Variants in MAD1L1 observed in about 807,000 individuals in gnomAD.
The protein encoded by MAD1L1 is mitotic spindle assembly checkpoint protein MAD1.
A neutral mutation model predicts 96.9 loss-of-function variants in MAD1L1; 95 were observed. The observed-to-expected ratio is 0.98, with a 90% CI of 0.83 to 1.16. MAD1L1 has a LOEUF of 1.16. Among genes scored for constraint, MAD1L1 ranks in the 50% most tolerant of loss-of-function variants. The pLI is 0.00. For synonymous variants in MAD1L1, 473 were observed against 396.6 expected (o/e 1.19, Z -2.29); for missense variants, 1,007 against 954.4 (o/e 1.06, Z -0.73).
intron 11 of MAD1L1, among the ~76,000 whole-genome samples, chr7:2,101,098 C>T (rs993712099): frequency 2.6e-5 from 4 of 152,216 alleles, no homozygotes; most frequent in Admixed American, 6.5e-5. Context: ...TTCCTTCCCA[C>T]CCTCAGAAAC....
At chr7:2,000,774 C>T (rs184327681) in intron 14 of MAD1L1, among the ~76,000 whole-genome samples, 2 of 152,344 alleles carry the variant, frequency 1.3e-5, no homozygotes, top group African/African-American at 2.4e-5. Flanking sequence ...GAGTGAACAG[C>T]GACCATTCCA....
At chr7:2,115,652 T>C (rs1005256634) in intron 11 of MAD1L1, among the ~76,000 whole-genome samples, 2 of 152,218 alleles carry the variant, frequency 1.3e-5, no homozygotes, top group African/African-American at 4.8e-5. Flanking sequence ...CCACATGGCG[T>C]GTCAATGCCG....
At chr7:2,214,588 A>G (rs1403024800) in intron 9 of MAD1L1, among the ~76,000 whole-genome samples, 2 of 152,282 alleles carry the variant, frequency 1.3e-5, no homozygotes, top group African/African-American at 2.4e-5. Flanking sequence ...GAAAGGCGGC[A>G]TAGGTGTGCC....
Position 2,225,426 on chromosome 7 carries a change from C to G in MAD1L1, c.275G>C (p.Ser92Thr). 7 of 1,613,302 alleles carry G rather than the reference C, an allele frequency of 4.3e-6. No homozygotes were observed. The highest frequency in any genetic ancestry group is 5.9e-6 in the Non-Finnish European group (7 of 1,180,008). Reference sequence around the variant, plus strand: ...TGAACCCACCTCGTAGTTCCTGGCACTGGTGCTGGCTGCTCTCTCCAGCTC... The same window carrying G: ...TGAACCCACCTCGTAGTTCCTGGCAGTGGTGCTGGCTGCTCTCTCCAGCTC... ...RVELERAAST[S>T]ARNYEREVDR... Residue 92 changes from serine to threonine, a missense_variant, in exon 4 of 19, where the codon AGT (serine) becomes ACT (threonine). By Grantham distance (58) the Ser-to-Thr change is moderately conservative. Transcript: ENST00000265854.
At chr7:1,967,733 C>T (rs1020803436) in intron 15 of MAD1L1, among the ~76,000 whole-genome samples, 6 of 152,232 alleles carry the variant, frequency 3.9e-5, no homozygotes, top group African/African-American at 1.4e-4. Flanking sequence ...TCAGAAAACC[C>T]AATGACGGGG....
intron 10 of MAD1L1, among the ~76,000 whole-genome samples, chr7:2,210,936 C>T (rs553009968): frequency 5.3e-5 from 8 of 152,356 alleles, no homozygotes; most frequent in East Asian, 3.9e-4. Context: ...GATCTTCACA[C>T]GCAGTTGGGG....
At chr7:1,875,380 G>A (rs548307733) in intron 18 of MAD1L1, among the ~76,000 whole-genome samples, 8 of 152,182 alleles carry the variant, frequency 5.3e-5, no homozygotes, top group Non-Finnish European at 1.2e-4. Context: ...CGCCCTCCTC[G>A]ACCCCAGATG....
At chr7:1,987,573 G>A (rs537096312) in intron 14 of MAD1L1, among the ~76,000 whole-genome samples, 1 of 152,168 alleles carries the variant, frequency 6.6e-6, no homozygotes, top group African/African-American at 2.4e-5. Flanking sequence ...ATCGGGGAGG[G>A]GGGGAGAGGC....
chr7:1,921,411 C>T (rs978709682), intron 17 of MAD1L1, among the ~76,000 whole-genome samples: 10 of 151,942 alleles, frequency 6.6e-5, no homozygotes, highest in African/African-American at 2.4e-4. Context: ...CTCCATCCCC[C>T]AGGTTCAGGC....
chr7:1,911,117 G>A (rs1019174637), intron 17 of MAD1L1, among the ~76,000 whole-genome samples: 15 of 152,226 alleles, frequency 9.9e-5, no homozygotes, highest in African/African-American at 2.9e-4. Context: ...GCTCCTGGGC[G>A]GCCGCCTCTC....
At chr7:2,187,840 C>T (rs1320717755) in intron 10 of MAD1L1, among the ~76,000 whole-genome samples, 1 of 152,200 alleles carries the variant, frequency 6.6e-6, no homozygotes, top group African/African-American at 2.4e-5. Context: ...GCTTGAGCAT[C>T]TGGTAGACAT....
At chr7:2,006,026 G>T (rs560196706) in intron 13 of MAD1L1, among the ~76,000 whole-genome samples, 11 of 152,172 alleles carry the variant, frequency 7.2e-5, no homozygotes, top group East Asian at 1.9e-4. Context: ...GCATGGAGAT[G>T]GGGGAGCGGC....
intron 18 of MAD1L1, among the ~76,000 whole-genome samples, chr7:1,842,942 T>C (rs963186595): frequency 5.9e-5 from 9 of 151,974 alleles, no homozygotes; most frequent in African/African-American, 2.2e-4. Context: ...CTGGGGTGAG[T>C]CCGAGGCCGG....
chr7:1,870,700 T>C (rs1374379358), intron 18 of MAD1L1, among the ~76,000 whole-genome samples: 2 of 140,850 alleles, frequency 1.4e-5, no homozygotes, highest in African/African-American at 5.4e-5. Context: ...GAACCCAACA[T>C]ACACCTGCCA....
chr7:2,054,378 A>C (rs369620230), intron 12 of MAD1L1, among the ~76,000 whole-genome samples: 4 of 152,240 alleles, frequency 2.6e-5, no homozygotes, highest in African/African-American at 9.6e-5. Flanking sequence ...CATCATCTTC[A>C]CACTGGAGAC....
intron 11 of MAD1L1, among the ~76,000 whole-genome samples, chr7:2,072,255 G>C (rs1398838847): frequency 1.3e-5 from 2 of 152,192 alleles, no homozygotes; most frequent in Non-Finnish European, 1.5e-5. Flanking sequence ...CCAACTGCTT[G>C]CTTGGTGGGT....
intron 12 of MAD1L1, among the ~76,000 whole-genome samples, chr7:2,022,257 T>A (rs909014195): frequency 1.3e-5 from 2 of 152,240 alleles, no homozygotes; most frequent in Non-Finnish European, 2.9e-5. Context: ...GGGCGTGTTC[T>A]GCGGGAGGCG....
At chr7:2,047,869 G>A (rs1420974668) in intron 12 of MAD1L1, among the ~76,000 whole-genome samples, 5 of 152,084 alleles carry the variant, frequency 3.3e-5, no homozygotes, top group Admixed American at 6.5e-5. Flanking sequence ...GCACTCACGT[G>A]CACACAGCTC....
At chr7:1,989,779 G>A (rs1781324163) in intron 14 of MAD1L1, among the ~76,000 whole-genome samples, 1 of 152,198 alleles carries the variant, frequency 6.6e-6, no homozygotes, top group Non-Finnish European at 1.5e-5. Context: ...GCATGGCCCA[G>A]CCTCAGTGTA....
Sources: gnomAD v4.1 joint callset for allele counts (sites outside exome capture counted in the v4.1 genomes callset) on GRCh38, gnomAD v4.1.1 for gene constraint, MANE v1.5 for transcripts, NCBI Gene and HGNC (gene_info 2026-07-23, HGNC 2026-07-21) for gene names.